SGSM1: variants seen among roughly 807,000 people sequenced by gnomAD.
The protein encoded by SGSM1 is RUN and TBC1 domain containing 2.
A neutral mutation model predicts 133.8 loss-of-function variants in SGSM1; 73 were observed. The observed-to-expected ratio is 0.55, with a 90% confidence interval of 0.45 to 0.66. The LOEUF (loss-of-function observed/expected upper bound fraction) is 0.66. Among genes scored for constraint, SGSM1 ranks in the 30% least tolerant of loss-of-function variants. SGSM1 has a pLI of 0.00. For synonymous variants in SGSM1, 563 were observed against 573.0 expected (o/e 0.98, Z 0.25); for missense variants, 1,213 against 1,448.1 (o/e 0.84, Z 2.64).
chr22:24,852,472 C>G (rs1043515520), intron 5 of SGSM1, among the ~76,000 whole-genome samples: 1 of 152,124 alleles, frequency 6.6e-6, no homozygotes, highest in African/African-American at 2.4e-5. Flanking sequence ...GAGATGGAGT[C>G]TCACTCTGTT....
chr22:24,877,390 A>C (rs140859052), intron 13 of SGSM1, among the ~76,000 whole-genome samples: 1,757 of 152,224 alleles, frequency 0.012, 17 homozygotes, highest in African/African-American at 0.04. Flanking sequence ...ATGACACTTA[A>C]TGTTTTATTA....
At chr22:24,811,685 G>A (rs1398502459) in intron 2 of SGSM1, among the ~76,000 whole-genome samples, 1 of 151,944 alleles carries the variant, frequency 6.6e-6, no homozygotes, top group Non-Finnish European at 1.5e-5. Context: ...GGGCAACATA[G>A]CAAGACCCCC....
chr22:24,841,085 T>C (rs9612788), intron 2 of SGSM1, among the ~76,000 whole-genome samples: 11,088 of 151,380 alleles, frequency 0.073, 495 homozygotes, highest in Middle Eastern at 0.097. Context: ...CTCCTGACCT[T>C]GTGATCCGCC....
intron 2 of SGSM1, chr22:24,844,576 AG>A: frequency 4.1e-6 from 1 of 246,050 alleles, no homozygotes; most frequent in East Asian, 8.3e-5. Flanking sequence ...GAACTAAAAC[AG>A]GGGATGGGAG....
chr22:24,832,047 G>C (rs1929150794), intron 2 of SGSM1, among the ~76,000 whole-genome samples: 1 of 152,168 alleles, frequency 6.6e-6, no homozygotes, highest in Non-Finnish European at 1.5e-5. Flanking sequence ...TGGCTCCCTG[G>C]CTCAGCCCGT....
At chr22:24,849,308 C>T (rs1389816684) in intron 4 of SGSM1, among the ~76,000 whole-genome samples, 1 of 151,484 alleles carries the variant, frequency 6.6e-6, no homozygotes. Flanking sequence ...AGTCCCAGCA[C>T]TTTGGGAGGC....
Position 24,927,052 on chromosome 22 carries a change from A to T in SGSM1, c.*2778A>T, listed in dbSNP as rs1253505769. 1 of 152,094 alleles carries T rather than the reference A, an allele frequency of 6.6e-6. No individual in the cohort carries two copies. The highest frequency in any genetic ancestry group is 2.4e-5 in the African/African-American group (1 of 41,406). The allele number at this position is 152,094 out of a possible 1,614,324, so 9.4% of individuals were successfully genotyped here. A position where few individuals can be genotyped will look rare whatever the true frequency, so the allele number is the denominator to read the frequency against. ...CACAAGTAATGCTGCATTACAAATG[A>T]CCCAAAAAGTAGTGGTTTAAAACAG... On this transcript the variant is annotated 3_prime_UTR_variant, in exon 25 of 25. Coordinates refer to ENST00000400358, the MANE Select transcript of SGSM1 (RefSeq NM_001098497.3).
At chr22:24,918,041 G>A (rs1933880565) in intron 23 of SGSM1, among the ~76,000 whole-genome samples, 2 of 152,144 alleles carry the variant, frequency 1.3e-5, no homozygotes, top group Admixed American at 1.3e-4. Flanking sequence ...GTACAGCCAG[G>A]ACTTGAACCC....
intron 13 of SGSM1, 98 bp downstream of exon 13, chr22:24,876,813 T>C (rs1932050364): frequency 6.7e-7 from 1 of 1,500,424 alleles, no homozygotes. Flanking sequence ...AGAGTGAGCA[T>C]AACCTGCGGA....
intron 21 of SGSM1, among the ~76,000 whole-genome samples, chr22:24,911,109 A>C (rs1601987334): frequency 6.6e-6 from 1 of 151,330 alleles, no homozygotes; most frequent in Non-Finnish European, 1.5e-5. Context: ...GTTGGCAGAC[A>C]CCTGTGGTCC....
At chr22:24,900,414 T>TCTCTCTTTCTCTCTTTCTCTCTTTCTC (rs1484572431) in intron 19 of SGSM1, among the ~76,000 whole-genome samples, 1 of 146,164 alleles carries the variant, frequency 6.8e-6, no homozygotes, top group African/African-American at 2.6e-5. Flanking sequence ...TTTCTGTATT[T>TCTCTCTTTCTCTCTTTCTCTCTTTCTC]TTGAGACAGA....
intron 2 of SGSM1, among the ~76,000 whole-genome samples, chr22:24,828,301 T>C (rs1355582023): frequency 6.6e-6 from 1 of 152,184 alleles, no homozygotes; most frequent in East Asian, 1.9e-4. Flanking sequence ...ATAAACTTTC[T>C]GAGGCTCAGT....
chr22:24,842,526 TAC>T (rs1569143217), intron 2 of SGSM1, among the ~76,000 whole-genome samples: 5 of 152,206 alleles, frequency 3.3e-5, no homozygotes, highest in Non-Finnish European at 7.3e-5. Flanking sequence ...ATTGAGCACA[TAC>T]CATGTGCTGG....
chr22:24,833,723 T>C (rs558448911), intron 2 of SGSM1, among the ~76,000 whole-genome samples: 11 of 151,334 alleles, frequency 7.3e-5, no homozygotes, highest in African/African-American at 2.4e-4. Context: ...CCCATAGCGA[T>C]GGGGGAGGTG....
chr22:24,869,791 G>A (rs1931676564), intron 12 of SGSM1, among the ~76,000 whole-genome samples: 1 of 152,164 alleles, frequency 6.6e-6, no homozygotes, highest in South Asian at 2.1e-4. Context: ...AGGTTGCACG[G>A]TGCCTGCCGT....
At chr22:24,859,265 G>C (rs1344547433) in intron 8 of SGSM1, among the ~76,000 whole-genome samples, 4 of 152,142 alleles carry the variant, frequency 2.6e-5, no homozygotes, top group Admixed American at 2.6e-4. Context: ...AGTGTAGGGG[G>C]GGTTTTTGGG....
chr22:24,842,960 A>G (rs1451847364), intron 2 of SGSM1, among the ~76,000 whole-genome samples: 1 of 152,138 alleles, frequency 6.6e-6, no homozygotes, highest in Non-Finnish European at 1.5e-5. Context: ...CAGAGAAGTG[A>G]CATGATTTGC....
At chr22:24,900,162 A>G (rs956827376) in intron 19 of SGSM1, among the ~76,000 whole-genome samples, 2 of 151,766 alleles carry the variant, frequency 1.3e-5, no homozygotes, top group African/African-American at 4.8e-5. Flanking sequence ...CTGGGACTAC[A>G]GGGCTGTACC....
chr22:24,921,786 G>A (rs890839028), intron 24 of SGSM1, among the ~76,000 whole-genome samples: 4 of 150,800 alleles, frequency 2.7e-5, no homozygotes, highest in Admixed American at 6.6e-5. Context: ...TACAACCTCC[G>A]CCTCCTGGGT....
Sources: allele counts gnomAD v4.1 joint callset (sites outside exome capture counted in the v4.1 genomes callset), GRCh38; gene constraint gnomAD v4.1.1; transcripts MANE v1.5; gene names NCBI Gene and HGNC (gene_info 2026-07-23, HGNC 2026-07-21).